SS18: variants seen among roughly 807,000 people sequenced by gnomAD.
SS18 encodes the protein SS18 subunit of BAF chromatin remodeling complex, also known as protein SSXT.
SS18 carries 28 observed loss-of-function variants against 72.5 expected under a neutral mutation model. The ratio of observed to expected loss-of-function variants is 0.39; its 90% CI spans 0.29 to 0.53. The LOEUF is 0.53. SS18 is among the 20% of genes least tolerant of loss of function. The probability of loss-of-function intolerance (pLI) is 0.76; values close to 1 mark genes in which losing one functional copy is unlikely to be tolerated. For missense variants in SS18, 518 were observed against 535.3 expected, an observed-to-expected ratio of 0.97 and a Z score of 0.32; for synonymous variants, 172 against 164.2, an observed-to-expected ratio of 1.05 and a Z score of -0.37.
chr18:26,049,413 C>T (rs889218522), intron 5 of SS18, among the ~76,000 whole-genome samples: 5 of 152,226 alleles, frequency 3.3e-5, no homozygotes, highest in Admixed American at 6.5e-5. Context: ...AGAGAACACA[C>T]TTCCTGCTTT....
chr18:26,017,692 T>C lies in SS18; in HGVS notation c.*662A>G, dbSNP rs145815527. ...TAAAAAATGTCTTTTTACTCAAAAC[T>C]GTATCACAGTGCCCTTGATTATCTA... On this transcript the variant is annotated 3_prime_UTR_variant, in exon 11 of 11. Coordinates refer to ENST00000415083, the MANE Select transcript of SS18 (RefSeq NM_001007559.3). The C allele has an allele frequency of 2.0e-3, 438 of 213,726 alleles. 3 individuals carry two copies. Among genetic ancestry groups the C allele is most frequent in the African/African-American group, 8.9e-3 (397 of 44,452 alleles). The allele number at this position is 213,726 out of a possible 1,614,324, so 13.2% of individuals were successfully genotyped here.
At chr18:26,021,995 T>C (rs1259573427) in intron 10 of SS18, among the ~76,000 whole-genome samples, 1 of 152,120 alleles carries the variant, frequency 6.6e-6, no homozygotes, top group Non-Finnish European at 1.5e-5. Context: ...TGAGAATGCC[T>C]AGGGAGAGTA....
Position 26,032,427 on chromosome 18 carries a change from G to C in SS18, c.1202C>G (p.Pro401Arg), listed in dbSNP as rs372907379. 15 of 1,613,688 alleles carry C rather than the reference G, an allele frequency of 9.3e-6. No homozygotes were observed. The highest frequency in any genetic ancestry group is 1.3e-5 in the African/African-American group (1 of 74,872). Residue 401 changes from proline to arginine, a missense_variant, in exon 10 of 11, where the codon CCC becomes CGC. By Grantham distance (103) the Pro-to-Arg change is moderately radical. Coordinates refer to ENST00000415083, the MANE Select transcript of SS18 (RefSeq NM_001007559.3). The part of the protein sequence containing the change: ...RPTQPGPPQP[P>R]QQRPYGYDQG... ...GTCATATCCATAAGGCCTCTGCTGG[G>C]GTGGCTGTGGTGGTCCAGGCTGTGT...
chr18:26,064,945 A>G (rs1226115276), intron 3 of SS18: 4 of 152,110 alleles, frequency 2.6e-5, no homozygotes, highest in Non-Finnish European at 4.4e-5. Flanking sequence ...ATTTCTATAT[A>G]TTTCCAAAAA....
At chr18:26,026,555 T>G (rs936833004) in intron 10 of SS18, among the ~76,000 whole-genome samples, 2 of 152,122 alleles carry the variant, frequency 1.3e-5, no homozygotes, top group Non-Finnish European at 2.9e-5. Context: ...ATGACAACTT[T>G]CTCTCTAAGA....
chr18:26,084,033 G>A (rs1188484818), intron 2 of SS18: 1 of 152,166 alleles, frequency 6.6e-6, no homozygotes. Flanking sequence ...AGGGCTTGGA[G>A]AAACGGGTGA....
At position 26,087,587 on chromosome 18, in the gene SS18, A is replaced by G; in HGVS notation, c.70-10T>C. On this transcript the variant is annotated splice_polypyrimidine_tract_variant and intron_variant, in intron 1 of 10. Coordinates refer to ENST00000415083, the MANE Select transcript of SS18 (RefSeq NM_001007559.3). ...TATTGTCATCCAACATCTGAAACAG[A>G]ATTAGAAAAGGTTTAGCATAAAACT... is the stretch of plus-strand genomic sequence containing the variant. 6.6e-7 allele frequency: 1 copy of G among 1,526,058 alleles called. No individual in the cohort carries two copies. The highest frequency in any genetic ancestry group is 9.0e-7 in the Non-Finnish European group (1 of 1,113,202). 94.5% of individuals were successfully genotyped at this position (1,526,058 alleles called of 1,614,324 possible).
intron 5 of SS18, among the ~76,000 whole-genome samples, chr18:26,048,459 AC>A: frequency 6.6e-6 from 1 of 152,238 alleles, no homozygotes; most frequent in African/African-American, 2.4e-5. Context: ...AAGGAAATAA[AC>A]TACCATGTAA....
chr18:26,090,829 G>A (rs963335208), upstream of SS18: 1 of 560,384 alleles, frequency 1.8e-6, no homozygotes, highest in Non-Finnish European at 3.2e-6. Context: ...TCTCCTTATG[G>A]GCACCCCCTG....
At chr18:26,022,519 T>C (rs746804673) in intron 10 of SS18, among the ~76,000 whole-genome samples, 2 of 151,014 alleles carry the variant, frequency 1.3e-5, no homozygotes, top group Non-Finnish European at 2.9e-5. Context: ...CAATGATCCC[T>C]GAGACATGGT....
At chr18:26,040,568 T>C (rs974484152) in intron 5 of SS18, among the ~76,000 whole-genome samples, 1 of 152,170 alleles carries the variant, frequency 6.6e-6, no homozygotes. Flanking sequence ...AGTTCACTAT[T>C]AAATTACTTA....
chr18:26,080,266 TA>T, intron 2 of SS18: 1 of 898,552 alleles, frequency 1.1e-6, no homozygotes. Flanking sequence ...TGCCATTTTT[TA>T]AAAAACCAAC....
In SS18 at chr18:26,032,464, C is replaced by T; in HGVS notation, c.1165G>A (p.Gly389Arg). 1 of 1,613,890 alleles carries T rather than the reference C, an allele frequency of 6.2e-7. No individual in the cohort carries two copies. The highest frequency in any genetic ancestry group is 8.5e-7 in the Non-Finnish European group (1 of 1,179,874). Residue 389 changes from glycine to arginine, a missense_variant, in exon 10 of 11, where the codon GGA becomes AGA. By Grantham distance (125) the Gly-to-Arg change is moderately radical. Transcript: ENST00000415083. ...YPQGQGQQYG[G>R]YRPTQPGPPQ... ...GGTCCAGGCTGTGTTGGTCTATATC[C>T]TCCATACTGCTGACCTTGTCCCTGT...
intron 5 of SS18, among the ~76,000 whole-genome samples, chr18:26,049,330 G>A (rs1404667988): frequency 6.6e-6 from 1 of 152,126 alleles, no homozygotes; most frequent in Non-Finnish European, 1.5e-5. Flanking sequence ...GCTTTTTACT[G>A]AAGAAATGAA....
chr18:26,058,310 G>C (rs1029292391), intron 3 of SS18, among the ~76,000 whole-genome samples: 3 of 152,210 alleles, frequency 2.0e-5, no homozygotes, highest in African/African-American at 7.2e-5. Flanking sequence ...TGCCTCAAAA[G>C]GATGCCCTTG....
chr18:26,059,472 C>T (rs977447534), intron 3 of SS18, among the ~76,000 whole-genome samples: 8 of 152,166 alleles, frequency 5.3e-5, no homozygotes, highest in African/African-American at 9.7e-5. Context: ...GAAAACTAGT[C>T]GAAATAGCAG....
intron 2 of SS18, among the ~76,000 whole-genome samples, chr18:26,079,877 A>G (rs2054484921): frequency 6.6e-6 from 1 of 152,082 alleles, no homozygotes; most frequent in Admixed American, 6.5e-5. Context: ...CACTGTACCC[A>G]GCCGAATCCT....
chr18:26,084,798 G>C (rs931516737), intron 2 of SS18, among the ~76,000 whole-genome samples: 1 of 152,118 alleles, frequency 6.6e-6, no homozygotes, highest in Non-Finnish European at 1.5e-5. Flanking sequence ...CCAGATTAAA[G>C]TATACTTAGG....
At chr18:26,080,074 T>C (rs1167249300) in intron 2 of SS18, among the ~76,000 whole-genome samples, 1 of 152,186 alleles carries the variant, frequency 6.6e-6, no homozygotes, top group Non-Finnish European at 1.5e-5. Flanking sequence ...ACATGATACA[T>C]CTTTGATAGT....
Sources: allele counts gnomAD v4.1 joint callset (sites outside exome capture counted in the v4.1 genomes callset), GRCh38; gene constraint gnomAD v4.1.1; transcripts MANE v1.5; gene names NCBI Gene and HGNC (gene_info 2026-07-23, HGNC 2026-07-21).